DIAPH2: variants seen among roughly 807,000 people sequenced by gnomAD.
DIAPH2 encodes the protein diaphanous related formin 2.
DIAPH2 carries 35 observed loss-of-function variants against 92.7 expected under a neutral mutation model. The observed-to-expected ratio is 0.38, with a 90% CI of 0.29 to 0.50. The LOEUF is 0.50. Ranked by LOEUF, DIAPH2 falls within the 20% of genes least tolerant of loss-of-function variation. DIAPH2 has a pLI of 0.94. For synonymous variants in DIAPH2, 301 were observed against 280.4 expected, an observed-to-expected ratio of 1.07 and a Z score of -0.73; for missense variants, 701 against 819.5, an observed-to-expected ratio of 0.86 and a Z score of 1.77.
chrX:97,476,128 A>G (rs2070601305), intron 26 of DIAPH2, among the ~76,000 whole-genome samples: 3 of 112,380 alleles, frequency 2.7e-5, no homozygotes, highest in South Asian at 7.4e-4. Context: ...ATTTGGGTCT[A>G]TTTAAAGATC....
chrX:97,493,778 G>C (rs1185991484), intron 26 of DIAPH2, among the ~76,000 whole-genome samples: 9 of 108,933 alleles, frequency 8.3e-5, no homozygotes, highest in African/African-American at 3.0e-4. Flanking sequence ...CCCAGCTACT[G>C]GGGAGGCTGA....
intron 4 of DIAPH2, among the ~76,000 whole-genome samples, chrX:96,798,232 A>G (rs765273308): frequency 1.8e-5 from 2 of 112,370 alleles, no homozygotes; most frequent in South Asian, 7.4e-4. Context: ...AACATTTTGG[A>G]AATTTTTTCT....
chrX:96,884,754 A>C (rs748956801), intron 5 of DIAPH2: 1 of 1,206,085 alleles, frequency 8.3e-7, no homozygotes, highest in East Asian at 3.0e-5. Flanking sequence ...TTCATGTCCT[A>C]GAGGACATGA....
At chrX:97,242,941 C>G (rs929444882) in intron 22 of DIAPH2, among the ~76,000 whole-genome samples, 4 of 108,946 alleles carry the variant, frequency 3.7e-5, no homozygotes, top group South Asian at 4.1e-4. Flanking sequence ...CGCCCGCCCC[C>G]ACGCCTGGCT....
In DIAPH2 at chrX:96,791,911, G is replaced by A. The variant is rs1291915231; in HGVS notation, c.447+33653G>A. On this transcript the variant is annotated intron_variant, in intron 4 of 26. Coordinates refer to ENST00000324765, the MANE Select transcript of DIAPH2 (RefSeq NM_006729.5). ...CAGAGAAGTTAACTAACTTACCCAG[G>A]GTTAGTTGTGCCTGATGCTCAACCC... Among the ~76,000 whole-genome samples the A allele has an allele frequency of 2.7e-5, 3 of 110,740 alleles. No homozygotes were observed. The East Asian group carries it at 8.6e-4, about 32-fold the overall frequency.
intron 1 of DIAPH2, among the ~76,000 whole-genome samples, chrX:96,728,043 CAAA>C (rs1225289870): frequency 3.7e-5 from 1 of 27,161 alleles, no homozygotes; most frequent in Non-Finnish European, 7.2e-5. Context: ...GACTCCGTCT[CAAA>C]AAAAAAAAAA....
At chrX:97,014,001 T>C (rs1273726695) in intron 17 of DIAPH2, among the ~76,000 whole-genome samples, 1 of 111,838 alleles carries the variant, frequency 8.9e-6, no homozygotes, top group African/African-American at 3.3e-5. Context: ...GATAGAAAAA[T>C]AGGAAAGAGC....
intron 24 of DIAPH2, among the ~76,000 whole-genome samples, chrX:97,374,889 T>C (rs1232909674): frequency 8.9e-6 from 1 of 112,094 alleles, no homozygotes; most frequent in Non-Finnish European, 1.9e-5. Flanking sequence ...GTTCAATTTC[T>C]TGTTCAGATG....
At chrX:97,308,116 G>C (rs1401996206) in intron 23 of DIAPH2, among the ~76,000 whole-genome samples, 2 of 110,159 alleles carry the variant, frequency 1.8e-5, no homozygotes, top group Non-Finnish European at 3.8e-5. Context: ...ATAGGTTTTT[G>C]ATATTGAAAG....
At chrX:97,589,362 A>G (rs1418325854) in intron 26 of DIAPH2, among the ~76,000 whole-genome samples, 4 of 104,300 alleles carry the variant, frequency 3.8e-5, no homozygotes, top group African/African-American at 1.4e-4. Flanking sequence ...ATTCATAGAT[A>G]GCCACTATTT....
intron 17 of DIAPH2, among the ~76,000 whole-genome samples, chrX:97,004,312 G>T (rs1435528445): frequency 3.6e-5 from 4 of 110,886 alleles, no homozygotes; most frequent in Non-Finnish European, 7.6e-5. Flanking sequence ...TTTTTTTCTT[G>T]GTAGGTTGTA....
chrX:96,987,309 C>T (rs1047912322), intron 17 of DIAPH2, among the ~76,000 whole-genome samples: 11 of 111,548 alleles, frequency 9.9e-5, no homozygotes, highest in South Asian at 3.7e-4. Flanking sequence ...TTCTTCCAAG[C>T]GGCCATTGAG....
intron 17 of DIAPH2, among the ~76,000 whole-genome samples, chrX:97,039,676 T>C (rs2066435342): frequency 9.0e-6 from 1 of 111,248 alleles, no homozygotes. Flanking sequence ...CTTTTATACT[T>C]GTGGTTGGAG....
At chrX:96,953,196 ATTTG>A (rs1255452071) in intron 15 of DIAPH2, among the ~76,000 whole-genome samples, 1 of 111,766 alleles carries the variant, frequency 8.9e-6, no homozygotes, top group East Asian at 2.8e-4. Context: ...TTCACTGAAA[ATTTG>A]TTTATTAAGT....
At chrX:97,157,009 G>C (rs2067327491) in intron 22 of DIAPH2, among the ~76,000 whole-genome samples, 1 of 111,557 alleles carries the variant, frequency 9.0e-6, no homozygotes, top group African/African-American at 3.3e-5. Flanking sequence ...GCATGGTTAA[G>C]GGAACAAATT....
chrX:96,882,980 A>AC (rs1344555320), intron 5 of DIAPH2, among the ~76,000 whole-genome samples: 13 of 52,798 alleles, frequency 2.5e-4, no homozygotes, highest in African/African-American at 4.5e-4. Context: ...AAAAAAAAAA[A>AC]AAACAAAAAA....
chrX:96,876,612 G>C (rs1197771859), intron 4 of DIAPH2, among the ~76,000 whole-genome samples: 2 of 111,344 alleles, frequency 1.8e-5, no homozygotes, highest in Admixed American at 9.6e-5. Flanking sequence ...CCTTTGTAGG[G>C]ACATGGATGA....
chrX:97,045,229 A>G (rs947370173), intron 17 of DIAPH2, among the ~76,000 whole-genome samples: 1 of 112,310 alleles, frequency 8.9e-6, no homozygotes, highest in Non-Finnish European at 1.9e-5. Context: ...AGTTGATGGT[A>G]CCATTTATTG....
At chrX:96,855,778 TA>T (rs1253505679) in intron 4 of DIAPH2, among the ~76,000 whole-genome samples, 1 of 110,649 alleles carries the variant, frequency 9.0e-6, no homozygotes, top group Non-Finnish European at 1.9e-5. Context: ...TTTTTTTTAA[TA>T]TGGACAAATT....
Sources: allele counts gnomAD v4.1 joint callset (sites outside exome capture counted in the v4.1 genomes callset), GRCh38; gene constraint gnomAD v4.1.1; transcripts MANE v1.5; gene names NCBI Gene and HGNC (gene_info 2026-07-23, HGNC 2026-07-21).